Variants in CACNA1C observed in about 807,000 individuals in gnomAD.
CACNA1C encodes the protein calcium voltage-gated channel subunit alpha1 C.
A neutral mutation model predicts 229.0 loss-of-function variants in CACNA1C; 30 were observed. The observed-to-expected ratio is 0.13, with a 90% CI of 0.10 to 0.18. The LOEUF is 0.18. Among genes scored for constraint, CACNA1C ranks in the 10% least tolerant of loss-of-function variants. CACNA1C has a pLI of 1.00. For missense variants in CACNA1C, 1,658 were observed against 2,845.0 expected (o/e 0.58, Z 9.49); for synonymous variants, 1,114 against 1,132.5 (o/e 0.98, Z 0.33).
At chr12:2,142,893 TAAAA>T (rs922975338) in intron 3 of CACNA1C, among the ~76,000 whole-genome samples, 2 of 151,126 alleles carry the variant, frequency 1.3e-5, no homozygotes, top group African/African-American at 4.8e-5. Context: ...GTCAAAAAGT[TAAAA>T]AAAATTAAAA....
intron 4 of CACNA1C, among the ~76,000 whole-genome samples, chr12:2,456,994 C>T (rs2099430345): frequency 6.6e-6 from 1 of 152,332 alleles, no homozygotes; most frequent in African/African-American, 2.4e-5. Flanking sequence ...GTCTCAGTTA[C>T]GTGCACGTGT....
intron 3 of CACNA1C, among the ~76,000 whole-genome samples, chr12:2,416,319 C>T (rs949007835): frequency 6.6e-6 from 1 of 150,860 alleles, no homozygotes; most frequent in Admixed American, 6.6e-5. Flanking sequence ...TGGAGATGCT[C>T]TATCGGAAAG....
chr12:2,527,803 A>C (rs2099824113), intron 9 of CACNA1C, among the ~76,000 whole-genome samples: 1 of 152,150 alleles, frequency 6.6e-6, no homozygotes, highest in Non-Finnish European at 1.5e-5. Context: ...TTGACATGAA[A>C]AAGTAATGTC....
chr12:2,309,264 C>A (rs113586185), intron 3 of CACNA1C, among the ~76,000 whole-genome samples: 9 of 152,144 alleles, frequency 5.9e-5, no homozygotes, highest in African/African-American at 2.2e-4. Flanking sequence ...TGTGTGATCT[C>A]AATTGTATGT....
chr12:2,466,349 C>A (rs2099550589), intron 5 of CACNA1C, among the ~76,000 whole-genome samples: 1 of 152,222 alleles, frequency 6.6e-6, no homozygotes, highest in Non-Finnish European at 1.5e-5. Flanking sequence ...AGAGAGGAGG[C>A]TAGGCAGCAG....
At chr12:2,310,018 G>A (rs1267527911) in intron 3 of CACNA1C, among the ~76,000 whole-genome samples, 1 of 152,170 alleles carries the variant, frequency 6.6e-6, no homozygotes, top group Non-Finnish European at 1.5e-5. Flanking sequence ...GAGACCTGGT[G>A]GCCTGGAAGT....
intron 3 of CACNA1C, among the ~76,000 whole-genome samples, chr12:2,353,311 C>T (rs916210961): frequency 6.6e-6 from 1 of 152,154 alleles, no homozygotes; most frequent in Non-Finnish European, 1.5e-5. Flanking sequence ...CAGAGTGAGC[C>T]CCCCCTGGTG....
intron 2 of CACNA1C, among the ~76,000 whole-genome samples, chr12:2,116,328 CCTTA>C (rs910696540): frequency 3.3e-5 from 5 of 151,996 alleles, no homozygotes; most frequent in Admixed American, 2.6e-4. Flanking sequence ...GTTACAAGCC[CCTTA>C]CTTCATCAGA....
chr12:2,230,508 G>T (rs1417561837), intron 3 of CACNA1C, among the ~76,000 whole-genome samples: 1 of 152,212 alleles, frequency 6.6e-6, no homozygotes, highest in African/African-American at 2.4e-5. Flanking sequence ...GTGTCCAAAA[G>T]GCTAAGAGGA....
chr12:2,610,218 G>A (rs185162188), intron 27 of CACNA1C, among the ~76,000 whole-genome samples: 20 of 152,294 alleles, frequency 1.3e-4, no homozygotes, highest in Admixed American at 1.2e-3. Flanking sequence ...CATTCTTAGC[G>A]ATGCCGACTC....
At chr12:2,406,171 A>G (rs181453540) in intron 3 of CACNA1C, among the ~76,000 whole-genome samples, 9 of 152,300 alleles carry the variant, frequency 5.9e-5, no homozygotes, top group African/African-American at 2.2e-4. Context: ...TTTCCCTTGC[A>G]CTACTCTCAA....
intron 9 of CACNA1C, chr12:2,547,351 C>G (rs776125351): frequency 2.9e-6 from 2 of 699,126 alleles, no homozygotes; most frequent in African/African-American, 3.5e-5. Flanking sequence ...TATGTGAAAG[C>G]TGAGTTCCTT....
intron 1 of CACNA1C, among the ~76,000 whole-genome samples, chr12:1,981,598 TAGGATGGTAAACTGTA>T (rs1345537109): frequency 5.3e-5 from 8 of 152,226 alleles, no homozygotes; most frequent in Non-Finnish European, 8.8e-5. Context: ...TCTTTCGTGC[TAGGATGGTAAACTGTA>T]AGGGGGAAGG....
chr12:2,139,501 G>A (rs1297972987), intron 3 of CACNA1C, among the ~76,000 whole-genome samples: 3 of 151,234 alleles, frequency 2.0e-5, no homozygotes, highest in African/African-American at 7.3e-5. Context: ...TACAGCTGGG[G>A]CCTTGCGCAT....
Position 2,608,718 on chromosome 12 carries a change from T to C in CACNA1C, c.3558+6T>C. The C allele has an allele frequency of 1.9e-6, 3 of 1,613,752 alleles. No homozygotes were observed. The highest frequency in any genetic ancestry group is 1.7e-6 in the Non-Finnish European group (2 of 1,179,844). On this transcript the variant is annotated splice_donor_region_variant and intron_variant, in intron 27 of 46. Transcript: ENST00000399655. The surrounding 1 kb of genome is among the most constrained non-coding windows in gnomAD (Gnocchi z 4.2). Reference sequence around the variant, plus strand: ...GTGAGCTGGACAAGAACCAGGTAGCTTCCTAGGAAGGAGCGGAGGGAAGCG... The same window carrying C: ...GTGAGCTGGACAAGAACCAGGTAGCCTCCTAGGAAGGAGCGGAGGGAAGCG...
chr12:2,249,068 G>C (rs2074497693), intron 3 of CACNA1C, among the ~76,000 whole-genome samples: 1 of 152,160 alleles, frequency 6.6e-6, no homozygotes, highest in Non-Finnish European at 1.5e-5. Flanking sequence ...GTTCTGAATA[G>C]GCTGTCAGTA....
At chr12:2,645,793 A>G (rs1476356274) in intron 30 of CACNA1C, among the ~76,000 whole-genome samples, 1 of 152,212 alleles carries the variant, frequency 6.6e-6, no homozygotes, top group Non-Finnish European at 1.5e-5. Context: ...TCATGTGGAA[A>G]CAGGTGTGAG....
intron 1 of CACNA1C, among the ~76,000 whole-genome samples, chr12:2,025,893 A>T (rs1434887324): frequency 2.6e-5 from 4 of 152,230 alleles, no homozygotes; most frequent in Non-Finnish European, 5.9e-5. Context: ...AGAGCAGACA[A>T]AGACAAATAA....
intron 1 of CACNA1C, among the ~76,000 whole-genome samples, chr12:2,019,617 A>G (rs1368043442): frequency 1.1e-5 from 1 of 92,384 alleles, no homozygotes; most frequent in Non-Finnish European, 2.5e-5. Flanking sequence ...AAGAAGAAAG[A>G]AAAAGAAAGA....
Sources: allele counts gnomAD v4.1 joint callset (sites outside exome capture counted in the v4.1 genomes callset), GRCh38; gene constraint gnomAD v4.1.1; non-coding constraint Gnocchi (gnomAD v3.1); transcripts MANE v1.5; gene names NCBI Gene and HGNC (gene_info 2026-07-23, HGNC 2026-07-21).